The following FOXP1 variants were observed in gnomAD, a reference collection of about 807,000 sequenced individuals.
FOXP1 encodes the protein forkhead box P1, also known as forkhead box protein P1.
A neutral mutation model predicts 98.2 loss-of-function variants in FOXP1; 15 were observed. The ratio of observed to expected loss-of-function variants is 0.15; its 90% confidence interval spans 0.10 to 0.24. The LOEUF is 0.24. Among genes scored for constraint, FOXP1 ranks in the 10% least tolerant of loss-of-function variants. The pLI, the probability that FOXP1 is intolerant of heterozygous loss-of-function variation, is 1.00. For synonymous variants in FOXP1, 371 were observed against 314.5 expected, an observed-to-expected ratio of 1.18 and a Z score of -1.90; for missense variants, 633 against 848.5, an observed-to-expected ratio of 0.75 and a Z score of 3.15.
intron 12 of FOXP1, among the ~76,000 whole-genome samples, chr3:71,013,454 A>G (rs1311827770): frequency 6.6e-6 from 1 of 152,212 alleles, no homozygotes; most frequent in Non-Finnish European, 1.5e-5. Flanking sequence ...GAAGTGAAGG[A>G]CCTCTTCAAG....
Position 71,127,725 on chromosome 3 carries a change from G to T in FOXP1, c.181-15088C>A, listed in dbSNP as rs185064026. 2.4e-3 allele frequency among the ~76,000 whole-genome samples: 364 copies of T among 152,284 alleles called. 2 individuals are homozygous for T. The highest frequency in any genetic ancestry group is 8.3e-3 in the African/African-American group (346 of 41,548). The stretch of plus-strand genomic sequence containing the variant: ...GAAATTGTAAATGATTTTAACAACA[G>T]GACATTTTCCCACCTCAAAACTGGG... On this transcript the variant is annotated intron_variant, in intron 6 of 20. Transcript: ENST00000649528.
At chr3:71,505,457 G>A (rs1420874786) in intron 2 of FOXP1, among the ~76,000 whole-genome samples, 12 of 127,352 alleles carry the variant, frequency 9.4e-5, no homozygotes, top group African/African-American at 3.1e-4. Flanking sequence ...GTCTCACTCC[G>A]TCGCCCAGGC....
rs774013245 is a variant in FOXP1, at chr3:70,955,205, T to C, written c.*4042A>G. On this transcript the variant is annotated 3_prime_UTR_variant, in exon 21 of 21. Coordinates refer to ENST00000649528, the MANE Select transcript of FOXP1 (RefSeq NM_001349338.3). ...TGGAATATGGAAAAGAGAGGAAATA[T>C]TTTTTAACTCTATTTTTTTTCATGA... 2 of 232,104 alleles carry C rather than the reference T, an allele frequency of 8.6e-6. No homozygotes were observed. The highest frequency in any genetic ancestry group is 1.7e-5 in the Non-Finnish European group (2 of 117,390). 14.4% of individuals were successfully genotyped at this position (232,104 alleles called of 1,614,324 possible). A position where few individuals can be genotyped will look rare whatever the true frequency, so the allele number is the denominator to read the frequency against.
At chr3:71,000,010 G>T (rs988550841) in intron 13 of FOXP1, among the ~76,000 whole-genome samples, 5 of 152,090 alleles carry the variant, frequency 3.3e-5, no homozygotes, top group Admixed American at 3.3e-4. Context: ...TTTGGAACTC[G>T]GCTGCATAAA....
intron 3 of FOXP1, among the ~76,000 whole-genome samples, chr3:71,389,253 CCG>C (rs2080851524): frequency 4.6e-4 from 2 of 4,304 alleles, no homozygotes; most frequent in African/African-American, 7.3e-4. Context: ...GGGGGGGGGG[CCG>C]GGGGGGGCGG....
chr3:71,286,086 C>A (rs894256708), intron 5 of FOXP1, among the ~76,000 whole-genome samples: 2 of 152,182 alleles, frequency 1.3e-5, no homozygotes, highest in African/African-American at 4.8e-5. Context: ...TGTCCCAGCA[C>A]TGTTACCTAA....
intron 6 of FOXP1, among the ~76,000 whole-genome samples, chr3:71,156,445 G>A (rs2060827421): frequency 6.6e-6 from 1 of 152,142 alleles, no homozygotes; most frequent in South Asian, 2.1e-4. Flanking sequence ...ATGGAGGGGT[G>A]CACCAAACAG....
intron 4 of FOXP1, chr3:71,335,115 TAAATTAA>T (rs1375455311): frequency 1.3e-5 from 2 of 151,900 alleles, no homozygotes; most frequent in African/African-American, 4.8e-5. Flanking sequence ...TAAATTAAAT[TAAATTAA>T]AAATTAAAAA....
chr3:71,498,023 T>G (rs1386192177), intron 2 of FOXP1, among the ~76,000 whole-genome samples: 1 of 152,212 alleles, frequency 6.6e-6, no homozygotes, highest in Non-Finnish European at 1.5e-5. Context: ...CCCTTTTCAA[T>G]TTACATATTT....
intron 5 of FOXP1, among the ~76,000 whole-genome samples, chr3:71,239,687 T>C (rs2067089189): frequency 6.6e-6 from 1 of 152,240 alleles, no homozygotes; most frequent in African/African-American, 2.4e-5. Flanking sequence ...CATGGTATTT[T>C]TGAAAGCATG....
intron 3 of FOXP1, among the ~76,000 whole-genome samples, chr3:71,473,470 A>T (rs929224278): frequency 1.3e-5 from 2 of 152,164 alleles, no homozygotes; most frequent in African/African-American, 4.8e-5. Context: ...CCTTCCTCTA[A>T]GCATTGTCAA....
intron 7 of FOXP1, among the ~76,000 whole-genome samples, chr3:71,067,517 C>A (rs940398944): frequency 1.3e-5 from 2 of 152,138 alleles, no homozygotes; most frequent in Non-Finnish European, 2.9e-5. Context: ...CAGTCTCATG[C>A]AGTTGTCATA....
intron 7 of FOXP1, among the ~76,000 whole-genome samples, chr3:71,065,362 C>T (rs1012137749): frequency 2.6e-5 from 4 of 152,172 alleles, no homozygotes; most frequent in African/African-American, 9.7e-5. Context: ...GAGGGGCACC[C>T]GGCGCTCGCG....
intron 14 of FOXP1, among the ~76,000 whole-genome samples, chr3:70,986,699 T>C (rs556262502): frequency 6.6e-6 from 1 of 152,258 alleles, no homozygotes; most frequent in African/African-American, 2.4e-5. Context: ...GGTTCTTTTT[T>C]TTCCTTTCTT....
intron 2 of FOXP1, among the ~76,000 whole-genome samples, chr3:71,576,509 T>C (rs1158641619): frequency 6.6e-6 from 1 of 152,200 alleles, no homozygotes; most frequent in Non-Finnish European, 1.5e-5. Context: ...CTTCTGTCTT[T>C]AATTAAATTT....
chr3:71,271,712 T>C (rs938467378), intron 5 of FOXP1, among the ~76,000 whole-genome samples: 23 of 152,206 alleles, frequency 1.5e-4, no homozygotes, highest in African/African-American at 4.8e-4. Context: ...ACTGAAGCTG[T>C]CTGTTGCTTC....
intron 13 of FOXP1, among the ~76,000 whole-genome samples, chr3:70,995,849 T>G (rs17008114): frequency 0.21 from 31,467 of 152,124 alleles, 3,997 homozygotes; most frequent in East Asian, 0.56. Context: ...AAACATTCTT[T>G]CTACCGCTAA....
At chr3:71,212,179 A>G (rs73839441) in intron 5 of FOXP1, among the ~76,000 whole-genome samples, 2,376 of 152,274 alleles carry the variant, frequency 0.016, 58 homozygotes, top group African/African-American at 0.054. Context: ...TGAAAATGGA[A>G]TTGCTTCAAC....
intron 6 of FOXP1, among the ~76,000 whole-genome samples, chr3:71,123,484 A>C (rs773860368): frequency 1.3e-5 from 2 of 152,242 alleles, no homozygotes; most frequent in Non-Finnish European, 2.9e-5. Context: ...TCTCTGGTTC[A>C]GCTAAGCCAA....
Sources: gnomAD v4.1 joint callset for allele counts (sites outside exome capture counted in the v4.1 genomes callset) on GRCh38, gnomAD v4.1.1 for gene constraint, MANE v1.5 for transcripts, NCBI Gene and HGNC (gene_info 2026-07-23, HGNC 2026-07-21) for gene names.